The following TMCC1 variants were observed in gnomAD, a reference collection of about 807,000 sequenced individuals.
TMCC1 encodes transmembrane and coiled-coil domain family 1, also known as transmembrane and coiled-coil domains protein 1.
TMCC1 carries 15 observed loss-of-function variants against 52.4 expected under a neutral mutation model. The observed-to-expected ratio is 0.29, with a 90% CI of 0.19 to 0.44. The LOEUF (loss-of-function observed/expected upper bound fraction) is 0.44, where lower values mean the gene tolerates loss of function less well. Ranked by LOEUF, TMCC1 falls within the 20% of genes least tolerant of loss-of-function variation. The probability of loss-of-function intolerance (pLI) is 1.00; values close to 1 mark genes in which losing one functional copy is unlikely to be tolerated. For missense variants in TMCC1, 503 were observed against 806.0 expected (o/e 0.62, Z 4.55); for synonymous variants, 279 against 301.9 (o/e 0.92, Z 0.79).
At chr3:129,701,352 C>T (rs1024965964) in intron 4 of TMCC1, among the ~76,000 whole-genome samples, 4 of 152,204 alleles carry the variant, frequency 2.6e-5, no homozygotes, top group African/African-American at 9.7e-5. Flanking sequence ...ACCTGGCAAT[C>T]ACACTTCAGC....
At chr3:129,884,506 G>A (rs942471036) in intron 1 of TMCC1, among the ~76,000 whole-genome samples, 1 of 151,904 alleles carries the variant, frequency 6.6e-6, no homozygotes, top group Non-Finnish European at 1.5e-5. Flanking sequence ...CTTCCAACAT[G>A]CTTGTCTTCC....
At chr3:129,856,648 A>T (rs1332006068) in intron 2 of TMCC1, among the ~76,000 whole-genome samples, 2 of 152,212 alleles carry the variant, frequency 1.3e-5, no homozygotes, top group Non-Finnish European at 2.9e-5. Context: ...CAACGTCATG[A>T]ATTTCTCCAA....
chr3:129,653,643 C>T (rs1037814371), intron 6 of TMCC1, among the ~76,000 whole-genome samples: 12 of 151,970 alleles, frequency 7.9e-5, no homozygotes, highest in Non-Finnish European at 1.6e-4. Flanking sequence ...GGGGTTTCAC[C>T]GTGTTAGGAT....
At chr3:129,863,565 T>C (rs1378118437) in intron 2 of TMCC1, among the ~76,000 whole-genome samples, 4 of 151,978 alleles carry the variant, frequency 2.6e-5, no homozygotes, top group African/African-American at 9.7e-5. Context: ...CCTCACTCAA[T>C]AAGTCACCCA....
At chr3:129,833,612 G>T (rs2059024168) in intron 2 of TMCC1, among the ~76,000 whole-genome samples, 1 of 152,052 alleles carries the variant, frequency 6.6e-6, no homozygotes, top group Non-Finnish European at 1.5e-5. Context: ...ACATATCTTG[G>T]CAATGTGGAG....
intron 4 of TMCC1, among the ~76,000 whole-genome samples, chr3:129,756,874 C>A (rs146625463): frequency 6.6e-6 from 1 of 152,058 alleles, no homozygotes; most frequent in East Asian, 1.9e-4. Flanking sequence ...GGAAGCAAAG[C>A]GAAATTTTTA....
chr3:129,874,862 TAAATA>T (rs1481488855), intron 2 of TMCC1, among the ~76,000 whole-genome samples: 2 of 152,034 alleles, frequency 1.3e-5, no homozygotes, highest in Non-Finnish European at 2.9e-5. Context: ...TCTAAAAAAA[TAAATA>T]AAATAAAATG....
intron 4 of TMCC1, among the ~76,000 whole-genome samples, chr3:129,744,886 T>C (rs898368650): frequency 1.3e-5 from 2 of 152,206 alleles, no homozygotes; most frequent in African/African-American, 4.8e-5. Context: ...AAAGCCTATC[T>C]GTGCCTTGAA....
chr3:129,848,835 C>G (rs890790098), intron 2 of TMCC1, among the ~76,000 whole-genome samples: 1 of 152,076 alleles, frequency 6.6e-6, no homozygotes, highest in Non-Finnish European at 1.5e-5. Flanking sequence ...CTCCCTCCCC[C>G]ACCTTCATTC....
At chr3:129,836,211 A>G (rs2107853202) in intron 2 of TMCC1, among the ~76,000 whole-genome samples, 1 of 152,318 alleles carries the variant, frequency 6.6e-6, no homozygotes, top group Non-Finnish European at 1.5e-5. Flanking sequence ...ATATAAAGCA[A>G]AACAGCAGAA....
At chr3:129,803,935 C>A (rs915345283) in intron 4 of TMCC1, among the ~76,000 whole-genome samples, 7 of 152,066 alleles carry the variant, frequency 4.6e-5, no homozygotes, top group Non-Finnish European at 1.0e-4. Flanking sequence ...AATTAGAACA[C>A]TAAATGAAAT....
At chr3:129,714,313 T>C (rs1481004543) in intron 4 of TMCC1, among the ~76,000 whole-genome samples, 1 of 152,226 alleles carries the variant, frequency 6.6e-6, no homozygotes, top group Non-Finnish European at 1.5e-5. Context: ...TACACATTGC[T>C]TTCCTGAAAG....
intron 2 of TMCC1, among the ~76,000 whole-genome samples, chr3:129,836,454 C>A (rs970628198): frequency 6.6e-6 from 1 of 152,088 alleles, no homozygotes; most frequent in East Asian, 1.9e-4. Context: ...TATGTTGAAC[C>A]CTAAGGCAAG....
rs1449708041 is a variant in TMCC1, at chr3:129,651,703, G to A, written c.1740C>T (p.Ala580=). The stretch of plus-strand genomic sequence containing the variant: ...GTTTGCCCAGAAGGTTCCGGGCAGT[G>A]GCATTCTCCAGCCCTTCTAGCTGCA... The part of the protein sequence containing the change: ...QVVQLEGLEN[A]TARNLLGKLI... Residue 580 remains alanine, a synonymous_variant, in exon 7 of 7, where the codon GCC becomes GCT. Coordinates refer to ENST00000393238, the MANE Select transcript of TMCC1 (RefSeq NM_001017395.5). This position sits in a 1 kb window ranked among gnomAD's most constrained non-coding sequence, Gnocchi z 5.1. The A allele has an allele frequency of 3.7e-6, 6 of 1,614,102 alleles. No homozygotes were observed. The highest frequency in any genetic ancestry group is 2.2e-5 in the South Asian group (2 of 91,086).
chr3:129,755,377 T>G (rs1267699682), intron 4 of TMCC1, among the ~76,000 whole-genome samples: 1 of 151,966 alleles, frequency 6.6e-6, no homozygotes, highest in Non-Finnish European at 1.5e-5. Flanking sequence ...AGAAAAAAAT[T>G]GGTGAGTTAG....
At chr3:129,682,026 C>G (rs1242765474) in intron 4 of TMCC1, among the ~76,000 whole-genome samples, 3 of 151,858 alleles carry the variant, frequency 2.0e-5, no homozygotes, top group Non-Finnish European at 4.4e-5. Flanking sequence ...ACATATAAAA[C>G]ACATAAAATA....
At chr3:129,694,629 T>C (rs1158943108) in intron 4 of TMCC1, among the ~76,000 whole-genome samples, 1 of 152,166 alleles carries the variant, frequency 6.6e-6, no homozygotes, top group Non-Finnish European at 1.5e-5. Flanking sequence ...TGACCTCTGT[T>C]CCTCCCCACT....
intron 4 of TMCC1, among the ~76,000 whole-genome samples, chr3:129,820,849 A>G (rs1169557714): frequency 6.6e-6 from 1 of 152,238 alleles, no homozygotes; most frequent in Non-Finnish European, 1.5e-5. Context: ...GCAAAGATAA[A>G]CCAGCCAATT....
chr3:129,784,390 C>A (rs2055805466), intron 4 of TMCC1, among the ~76,000 whole-genome samples: 1 of 150,578 alleles, frequency 6.6e-6, no homozygotes, highest in Admixed American at 6.6e-5. Flanking sequence ...CACAGTGAAA[C>A]CCCGTCTCTA....
Sources: gnomAD v4.1 joint callset for allele counts (sites outside exome capture counted in the v4.1 genomes callset) on GRCh38, gnomAD v4.1.1 for gene constraint, Gnocchi (gnomAD v3.1) non-coding constraint, MANE v1.5 for transcripts, NCBI Gene and HGNC (gene_info 2026-07-23, HGNC 2026-07-21) for gene names.